The following GRB2 variants were observed in gnomAD, a reference collection of about 807,000 sequenced individuals.
The protein encoded by GRB2 is growth factor receptor-bound protein 2.
A neutral mutation model predicts 27.4 loss-of-function variants in GRB2; 2 were observed. The ratio of observed to expected loss-of-function variants is 0.07; its 90% CI spans 0.03 to 0.23. GRB2 has a LOEUF of 0.23. GRB2 is among the 10% of genes least tolerant of loss of function. The pLI is 1.00. For missense variants in GRB2, 102 were observed against 282.4 expected (o/e 0.36, Z 4.58); for synonymous variants, 94 against 99.6 (o/e 0.94, Z 0.33).
intron 2 of GRB2, among the ~76,000 whole-genome samples, chr17:75,352,451 A>G (rs2078698644): frequency 6.6e-6 from 1 of 152,194 alleles, no homozygotes; most frequent in African/African-American, 2.4e-5. Flanking sequence ...TTACAAGAAC[A>G]ACTTCCTGAT....
rs1031958001 is a variant in GRB2, at chr17:75,399,694, CAG to C, written c.-138+5793_-138+5794del. Among the ~76,000 whole-genome samples the C allele has an allele frequency of 5.5e-4, 81 of 146,732 alleles. 1 individual carries two copies. The highest frequency in any genetic ancestry group is 1.9e-3 in the African/African-American group (78 of 40,402). On this transcript the variant is annotated intron_variant, in intron 1 of 5. Coordinates refer to ENST00000316804, the MANE Select transcript of GRB2 (RefSeq NM_002086.5). ...CAATTATTTATTTATTTTTTTGAGA[CAG>C]AGTCTCGCTCTGTCGCCCAGGCTGG...
At chr17:75,327,553 T>C (rs1044018089) in intron 3 of GRB2, among the ~76,000 whole-genome samples, 2 of 150,540 alleles carry the variant, frequency 1.3e-5, no homozygotes, top group African/African-American at 4.9e-5. Context: ...GTATTTTTAA[T>C]AGAGACGGGG....
At chr17:75,369,690 CAAAAA>C (rs35811117) in intron 2 of GRB2, among the ~76,000 whole-genome samples, 11 of 120,638 alleles carry the variant, frequency 9.1e-5, no homozygotes, top group East Asian at 2.4e-4. Context: ...CCGTCTCCAC[CAAAAA>C]AAAAAAAAAA....
chr17:75,368,394 G>T (rs2078834194), intron 2 of GRB2, among the ~76,000 whole-genome samples: 1 of 150,828 alleles, frequency 6.6e-6, no homozygotes, highest in Non-Finnish European at 1.5e-5. Flanking sequence ...TTTTGTTTGT[G>T]TGAGTGTTCT....
intron 1 of GRB2, among the ~76,000 whole-genome samples, chr17:75,397,661 T>G (rs1407801804): frequency 1.3e-5 from 2 of 152,166 alleles, no homozygotes; most frequent in Non-Finnish European, 2.9e-5. Flanking sequence ...CACTTACAGC[T>G]ACAGTTGTGG....
intron 4 of GRB2, among the ~76,000 whole-genome samples, chr17:75,324,507 GTTTTTT>G (rs767194304): frequency 0.074 from 2,679 of 36,446 alleles, 72 homozygotes; most frequent in South Asian, 0.24. Flanking sequence ...ACCGCACCCA[GTTTTTT>G]TTTTTTTTTT....
intron 1 of GRB2, among the ~76,000 whole-genome samples, chr17:75,397,989 G>A (rs781007397): frequency 5.3e-5 from 8 of 151,432 alleles, no homozygotes; most frequent in Non-Finnish European, 8.8e-5. Context: ...CTACAGGTGC[G>A]CGCCACCAAG....
chr17:75,355,196 G>T (rs1172030720), intron 2 of GRB2, among the ~76,000 whole-genome samples: 2 of 152,158 alleles, frequency 1.3e-5, no homozygotes, highest in African/African-American at 2.4e-5. Flanking sequence ...CCTGCTCAAG[G>T]ACATTAACTC....
At chr17:75,350,060 T>C (rs1287946244) in intron 2 of GRB2, among the ~76,000 whole-genome samples, 3 of 127,942 alleles carry the variant, frequency 2.3e-5, no homozygotes, top group East Asian at 5.1e-4. Context: ...AAAAAAAAAA[T>C]ACATAGTCAA....
At chr17:75,369,855 C>CAA (rs11368419) in intron 2 of GRB2, among the ~76,000 whole-genome samples, 81,641 of 144,476 alleles carry the variant, frequency 0.57, 26,869 homozygotes, top group East Asian at 0.86. Context: ...GACTCCGTCT[C>CAA]AAAAAAAAAA....
At chr17:75,355,816 CTTTTTTT>C (rs1170570570) in intron 2 of GRB2, among the ~76,000 whole-genome samples, 71 of 115,698 alleles carry the variant, frequency 6.1e-4, no homozygotes, top group African/African-American at 2.1e-3. Context: ...TTCCTTTCTT[CTTTTTTT>C]TTTTTTTTTT....
intron 2 of GRB2, among the ~76,000 whole-genome samples, chr17:75,388,364 A>G (rs1290734678): frequency 6.6e-6 from 1 of 152,102 alleles, no homozygotes; most frequent in Non-Finnish European, 1.5e-5. Context: ...CGGCCTCCCC[A>G]AAGTGTTGGG....
intron 2 of GRB2, among the ~76,000 whole-genome samples, chr17:75,336,278 G>A (rs2078576246): frequency 2.0e-5 from 3 of 152,098 alleles, no homozygotes; most frequent in African/African-American, 7.2e-5. Flanking sequence ...CTACAGGTGC[G>A]TGCACCCATA....
chr17:75,337,898 CTACTATTATTATTATTATTAT>C (rs1363650038), intron 2 of GRB2, among the ~76,000 whole-genome samples: 9 of 133,546 alleles, frequency 6.7e-5, no homozygotes, highest in African/African-American at 1.8e-4. Flanking sequence ...ACTACTACTA[CTACTATTATTATTATTATTAT>C]TATTATTATT....
At chr17:75,324,604 G>A (rs957566372) in intron 4 of GRB2, among the ~76,000 whole-genome samples, 2 of 133,148 alleles carry the variant, frequency 1.5e-5, no homozygotes, top group African/African-American at 2.8e-5. Flanking sequence ...TACAACCTCC[G>A]CCTCCTGGAT....
In GRB2 at chr17:75,325,883, G is replaced by A. The variant is rs61764611; in HGVS notation, c.299+15C>T. On this transcript the variant is annotated intron_variant, in intron 4 of 5. Transcript: ENST00000316804. ...AGAGACAGGATTCCAGGCAACTGCA[G>A]CAGGAAATACTTACTTGACAGAGAG... is the stretch of plus-strand genomic sequence containing the variant. The A allele has an allele frequency of 6.4e-5, 104 of 1,612,886 alleles. No individual in the cohort carries two copies. Among genetic ancestry groups the A allele is most frequent in the Non-Finnish European group, 8.6e-5 (102 of 1,179,746 alleles).
chr17:75,332,499 T>C (rs1401652420), intron 3 of GRB2, among the ~76,000 whole-genome samples: 1 of 152,224 alleles, frequency 6.6e-6, no homozygotes, highest in Non-Finnish European at 1.5e-5. Context: ...CTGACAGTTA[T>C]TATCAATCTA....
At chr17:75,388,919 CT>C (rs1439415887) in intron 2 of GRB2, among the ~76,000 whole-genome samples, 4 of 152,140 alleles carry the variant, frequency 2.6e-5, no homozygotes, top group African/African-American at 7.2e-5. Context: ...TAAAATGCCC[CT>C]ATCTGACAGG....
chr17:75,321,973 T>C (rs1487730576), intron 4 of GRB2, 146 bp from the exon 5 acceptor site: 4 of 707,252 alleles, frequency 5.7e-6, no homozygotes, highest in Non-Finnish European at 9.4e-6. Context: ...CCTCACTGGG[T>C]GTCCCTGGGA....
Sources: gnomAD v4.1 joint callset for allele counts (sites outside exome capture counted in the v4.1 genomes callset) on GRCh38, gnomAD v4.1.1 for gene constraint, MANE v1.5 for transcripts, NCBI Gene and HGNC (gene_info 2026-07-23, HGNC 2026-07-21) for gene names.